LRRC37A2: variants seen among roughly 807,000 people sequenced by gnomAD.
LRRC37A2 encodes the protein leucine rich repeat containing 37 member A2, also known as leucine-rich repeat-containing protein 37A2.
In LRRC37A2, 9 loss-of-function variants were observed where a neutral mutation model predicts 68.8. That is an observed-to-expected ratio of 0.13 (90% confidence interval 0.08 to 0.23). The LOEUF (loss-of-function observed/expected upper bound fraction) is 0.23, where lower values mean the gene tolerates loss of function less well. LRRC37A2 is among the 10% of genes least tolerant of loss of function. The pLI, the probability that LRRC37A2 is intolerant of heterozygous loss-of-function variation, is 1.00. For missense variants in LRRC37A2, 168 were observed against 950.4 expected (o/e 0.18, Z 10.82); for synonymous variants, 63 against 367.6 (o/e 0.17, Z 9.48).
chr17:46,827,454 G>A, the LRRC37A2 span, among the ~76,000 whole-genome samples: 2 of 152,176 alleles, frequency 1.3e-5, no homozygotes, highest in South Asian at 2.1e-4. Flanking sequence ...GTGACTATGA[G>A]GAAAGCTGCC....
the LRRC37A2 span, chr17:46,722,264 G>A: frequency 2.9e-6 from 3 of 1,018,514 alleles, no homozygotes; most frequent in South Asian, 1.3e-5. Context: ...ATTAATTTTG[G>A]GGGGAGTCTG....
the LRRC37A2 span, chr17:46,773,976 C>T: frequency 3.2e-6 from 5 of 1,569,250 alleles, no homozygotes; most frequent in Non-Finnish European, 3.4e-6. Flanking sequence ...GGCACCATGG[C>T]CGCTTTGTGA....
chr17:46,404,634 C>G, the LRRC37A2 span, among the ~76,000 whole-genome samples: 3 of 105,474 alleles, frequency 2.8e-5, 1 homozygote, highest in Non-Finnish European at 6.5e-5. Context: ...CTTTGGGAGA[C>G]CGAGGTGGGT....
chr17:47,024,462 G>C, the LRRC37A2 span, among the ~76,000 whole-genome samples: 1 of 152,142 alleles, frequency 6.6e-6, no homozygotes, highest in Admixed American at 6.5e-5. Flanking sequence ...AGAGTGGGTA[G>C]GGGTGTGCTT....
chr17:46,503,225 AAT>A, the LRRC37A2 span, among the ~76,000 whole-genome samples: 1 of 131,182 alleles, frequency 7.6e-6, no homozygotes, highest in Non-Finnish European at 1.6e-5. Context: ...AAAAAAAAAA[AAT>A]AGTCTTCATT....
the LRRC37A2 span, among the ~76,000 whole-genome samples, chr17:46,825,217 C>T: frequency 2.6e-5 from 4 of 152,336 alleles, no homozygotes; most frequent in African/African-American, 7.2e-5. Flanking sequence ...GTGGCTGCCA[C>T]GGTTTCTCTC....
chr17:46,722,068 G>C, the LRRC37A2 span: 1 of 1,610,478 alleles, frequency 6.2e-7, no homozygotes, highest in African/African-American at 1.3e-5. Context: ...TGAGGTCCGA[G>C]TTCATCTCCA....
At chr17:46,386,096 A>G in the LRRC37A2 span, among the ~76,000 whole-genome samples, 16,478 of 122,438 alleles carry the variant, frequency 0.13, 29 homozygotes, top group Non-Finnish European at 0.21. Context: ...TTAAAATTCT[A>G]GATAATTTTT....
the LRRC37A2 span, among the ~76,000 whole-genome samples, chr17:46,746,843 A>G: frequency 1.3e-5 from 2 of 152,196 alleles, no homozygotes; most frequent in African/African-American, 4.8e-5. Flanking sequence ...AGTAGTACTG[A>G]ATTTTCATGA....
the LRRC37A2 span, among the ~76,000 whole-genome samples, chr17:46,897,876 G>C: frequency 6.6e-6 from 1 of 152,066 alleles, no homozygotes; most frequent in Non-Finnish European, 1.5e-5. Context: ...CCTGGGTTCT[G>C]GCTGTGAACT....
chr17:46,991,908 C>A, the LRRC37A2 span, among the ~76,000 whole-genome samples: 1 of 152,214 alleles, frequency 6.6e-6, no homozygotes, highest in African/African-American at 2.4e-5. Context: ...TTGTGACCTG[C>A]AAAGGCCAAA....
chr17:46,731,458 A>G, the LRRC37A2 span, among the ~76,000 whole-genome samples: 2 of 152,128 alleles, frequency 1.3e-5, no homozygotes, highest in Non-Finnish European at 2.9e-5. Context: ...AAAATACTGA[A>G]TTGTACACTT....
chr17:46,951,501 G>A, the LRRC37A2 span, among the ~76,000 whole-genome samples: 5 of 152,186 alleles, frequency 3.3e-5, no homozygotes, highest in Non-Finnish European at 7.4e-5. Context: ...AGAGCCTCCT[G>A]GGAGGTGCCT....
chr17:47,044,770 G>C, the LRRC37A2 span, among the ~76,000 whole-genome samples: 1 of 150,366 alleles, frequency 6.7e-6, no homozygotes, highest in Non-Finnish European at 1.5e-5. Context: ...CCAGCACTTT[G>C]GGAGGCCAAA....
chr17:46,890,976 A>G, the LRRC37A2 span, among the ~76,000 whole-genome samples: 1 of 152,188 alleles, frequency 6.6e-6, no homozygotes, highest in Non-Finnish European at 1.5e-5. Flanking sequence ...ACCACTTGAC[A>G]GTTGAGGAAA....
chr17:46,769,299 G>A, the LRRC37A2 span, among the ~76,000 whole-genome samples: 1 of 142,414 alleles, frequency 7.0e-6, no homozygotes, highest in Middle Eastern at 4.0e-3. Flanking sequence ...CTGGGCGACT[G>A]AGCGAGACTC....
the LRRC37A2 span, among the ~76,000 whole-genome samples, chr17:46,917,566 T>C: frequency 6.6e-6 from 1 of 152,244 alleles, no homozygotes; most frequent in Non-Finnish European, 1.5e-5. Context: ...GGATTGAGTC[T>C]CCTGCCTACA....
chr17:46,877,356 C>T, the LRRC37A2 span, among the ~76,000 whole-genome samples: 4 of 152,194 alleles, frequency 2.6e-5, no homozygotes, highest in Admixed American at 2.6e-4. Flanking sequence ...GATCTGTGCC[C>T]TGGAGCCCTG....
the LRRC37A2 span, among the ~76,000 whole-genome samples, chr17:46,976,062 G>A: frequency 1.3e-5 from 2 of 151,852 alleles, no homozygotes; most frequent in South Asian, 2.1e-4. Flanking sequence ...AAGTAGCTGC[G>A]ACTACAGGTG....
Sources: gnomAD v4.1 joint callset for allele counts (sites outside exome capture counted in the v4.1 genomes callset) on GRCh38, gnomAD v4.1.1 for gene constraint, MANE v1.5 for transcripts, NCBI Gene and HGNC (gene_info 2026-07-23, HGNC 2026-07-21) for gene names.